Variants in KCNQ5 observed in about 807,000 individuals in gnomAD.
KCNQ5 encodes the protein potassium voltage-gated channel subfamily Q member 5.
A neutral mutation model predicts 98.2 loss-of-function variants in KCNQ5; 30 were observed. The observed-to-expected ratio is 0.31, with a 90% CI of 0.23 to 0.41. The LOEUF is 0.41. Among genes scored for constraint, KCNQ5 ranks in the 10% least tolerant of loss-of-function variants. The pLI is 1.00. For synonymous variants in KCNQ5, 458 were observed against 449.4 expected (o/e 1.02, Z -0.24); for missense variants, 835 against 1,182.5 (o/e 0.71, Z 4.31).
chr6:72,895,383 G>A (rs1485775972), intron 1 of KCNQ5, among the ~76,000 whole-genome samples: 3 of 151,482 alleles, frequency 2.0e-5, no homozygotes, highest in Admixed American at 6.6e-5. Context: ...CTACAGAAGG[G>A]CTGTGAAATG....
intron 1 of KCNQ5, among the ~76,000 whole-genome samples, chr6:72,937,126 TGTA>T (rs1765972078): frequency 6.6e-6 from 1 of 152,226 alleles, no homozygotes; most frequent in Non-Finnish European, 1.5e-5. Context: ...AAAATTTTAT[TGTA>T]GTAATTTACA....
intron 6 of KCNQ5, among the ~76,000 whole-genome samples, chr6:73,109,655 G>C (rs945599050): frequency 3.3e-5 from 5 of 152,160 alleles, no homozygotes; most frequent in African/African-American, 1.2e-4. Context: ...GGGAAATGTT[G>C]TTTAAATCTA....
intron 1 of KCNQ5, among the ~76,000 whole-genome samples, chr6:72,689,487 G>C (rs1419992073): frequency 6.6e-6 from 1 of 152,176 alleles, no homozygotes; most frequent in African/African-American, 2.4e-5. Flanking sequence ...AATCCCAAAC[G>C]GCAGCCTCGC....
intron 1 of KCNQ5, among the ~76,000 whole-genome samples, chr6:72,818,738 G>A (rs1003051261): frequency 1.3e-5 from 2 of 150,824 alleles, no homozygotes; most frequent in African/African-American, 4.9e-5. Flanking sequence ...TAATTATAAA[G>A]TATGTATTAT....
chr6:72,788,833 T>C (rs1773886217), intron 1 of KCNQ5, among the ~76,000 whole-genome samples: 1 of 152,228 alleles, frequency 6.6e-6, no homozygotes, highest in South Asian at 2.1e-4. Context: ...TATTACTTAA[T>C]TTGAACCCAT....
intron 5 of KCNQ5, among the ~76,000 whole-genome samples, chr6:73,099,095 T>C (rs1449759010): frequency 3.3e-5 from 5 of 149,530 alleles, no homozygotes. Context: ...AAATAATGGG[T>C]TATAAGATAT....
chr6:72,915,226 A>T (rs1189661795), intron 1 of KCNQ5, among the ~76,000 whole-genome samples: 1 of 152,202 alleles, frequency 6.6e-6, no homozygotes, highest in African/African-American at 2.4e-5. Context: ...CAAAATAAGA[A>T]ATAGCCAGAG....
chr6:73,030,381 A>G (rs1031464254), intron 2 of KCNQ5, among the ~76,000 whole-genome samples: 2 of 152,168 alleles, frequency 1.3e-5, no homozygotes, highest in Non-Finnish European at 2.9e-5. Flanking sequence ...GAGTTTCAAT[A>G]TCAAGTTCTG....
At chr6:72,623,391 A>AGTGGGTGTGTGT (rs2098916512) in intron 1 of KCNQ5, among the ~76,000 whole-genome samples, 1 of 143,042 alleles carries the variant, frequency 7.0e-6, no homozygotes, top group Non-Finnish European at 1.5e-5. Context: ...GGAGTCAAAG[A>AGTGGGTGTGTGT]GTGTGTGTGT....
rs566757399 is a variant in KCNQ5 at position 72,702,230 on chromosome 6, T to G, written c.398+79643T>G. Among the ~76,000 whole-genome samples, 6 of 152,308 alleles carry G rather than the reference T, an allele frequency of 3.9e-5. No homozygotes were observed. In the South Asian group the frequency reaches 1.2e-3, roughly 32 times the overall value. ...GAATAAATTAACATTTACAAACAAA[T>G]GAGTTTTCAATAAGGATACATTATG... On this transcript the variant is annotated intron_variant, in intron 1 of 13. Transcript: ENST00000370398.
chr6:72,733,246 A>G (rs1476634754), intron 1 of KCNQ5, among the ~76,000 whole-genome samples: 1 of 152,222 alleles, frequency 6.6e-6, no homozygotes, highest in East Asian at 1.9e-4. Context: ...GAGTGAATAA[A>G]GGAGACAGAG....
intron 1 of KCNQ5, among the ~76,000 whole-genome samples, chr6:72,938,480 A>G (rs981266902): frequency 6.6e-6 from 1 of 152,110 alleles, no homozygotes; most frequent in African/African-American, 2.4e-5. Flanking sequence ...CCTGGGTTCA[A>G]GCAATTTTCC....
intron 1 of KCNQ5, among the ~76,000 whole-genome samples, chr6:72,668,201 T>C (rs1766924406): frequency 6.6e-6 from 1 of 152,196 alleles, no homozygotes; most frequent in Admixed American, 6.5e-5. Flanking sequence ...TCTTTTTCTA[T>C]AATTCTTAAT....
At chr6:73,164,628 A>G (rs932644373) in intron 10 of KCNQ5, among the ~76,000 whole-genome samples, 3 of 152,190 alleles carry the variant, frequency 2.0e-5, no homozygotes, top group African/African-American at 7.2e-5. Context: ...TTATGTGTGA[A>G]CAATATAGTT....
chr6:73,059,369 A>G (rs1772673403), intron 3 of KCNQ5, among the ~76,000 whole-genome samples: 2 of 152,200 alleles, frequency 1.3e-5, no homozygotes, highest in Non-Finnish European at 2.9e-5. Flanking sequence ...ATTGAGTTAT[A>G]TGGTCACAAA....
At chr6:72,830,681 A>T (rs974469823) in intron 1 of KCNQ5, among the ~76,000 whole-genome samples, 1 of 152,238 alleles carries the variant, frequency 6.6e-6, no homozygotes, top group Non-Finnish European at 1.5e-5. Context: ...ATGGGCAAGG[A>T]TCTCATGTCT....
intron 1 of KCNQ5, among the ~76,000 whole-genome samples, chr6:72,816,495 G>A (rs1437735880): frequency 6.6e-6 from 1 of 152,202 alleles, no homozygotes; most frequent in Admixed American, 6.5e-5. Context: ...TAAACTGAAA[G>A]AGAGTTTCCA....
intron 1 of KCNQ5, among the ~76,000 whole-genome samples, chr6:72,644,594 G>A (rs1445641261): frequency 6.6e-6 from 1 of 152,084 alleles, no homozygotes; most frequent in Non-Finnish European, 1.5e-5. Flanking sequence ...GCAATACATA[G>A]ACAGCATGTA....
intron 10 of KCNQ5, among the ~76,000 whole-genome samples, chr6:73,142,792 TGTAATCCCAGCTACTCA>T (rs1489259122): frequency 6.6e-6 from 1 of 152,094 alleles, no homozygotes; most frequent in Non-Finnish European, 1.5e-5. Flanking sequence ...GGCGGGCACC[TGTAATCCCAGCTACTCA>T]GGAGGCTGAG....
Sources: gnomAD v4.1 joint callset for allele counts (sites outside exome capture counted in the v4.1 genomes callset) on GRCh38, gnomAD v4.1.1 for gene constraint, MANE v1.5 for transcripts, NCBI Gene and HGNC (gene_info 2026-07-23, HGNC 2026-07-21) for gene names.